AEBP2: variants seen among roughly 807,000 people sequenced by gnomAD.
AEBP2 encodes the protein AE binding protein 2.
A neutral mutation model predicts 50.8 loss-of-function variants in AEBP2; 10 were observed. The ratio of observed to expected loss-of-function variants is 0.20; its 90% CI spans 0.12 to 0.33. The LOEUF is 0.33. Ranked by LOEUF, AEBP2 falls within the 10% of genes least tolerant of loss-of-function variation. The pLI is 1.00. For synonymous variants in AEBP2, 296 were observed against 261.3 expected (o/e 1.13, Z -1.28); for missense variants, 570 against 688.0 (o/e 0.83, Z 1.92).
chr12:19,440,705 A>G (rs1346879586), intron 1 of AEBP2: 1 of 1,533,450 alleles, frequency 6.5e-7, no homozygotes, highest in South Asian at 1.2e-5. Context: ...GAGGGCCTTG[A>G]TGTACACACG....
At chr12:19,516,017 C>T (rs1949312207) in intron 7 of AEBP2, among the ~76,000 whole-genome samples, 1 of 152,184 alleles carries the variant, frequency 6.6e-6, no homozygotes, top group East Asian at 1.9e-4. Flanking sequence ...CCTGGAAGTT[C>T]GAGGCTGCAG....
intron 1 of AEBP2, among the ~76,000 whole-genome samples, chr12:19,443,410 T>G (rs940278920): frequency 1.3e-5 from 2 of 151,558 alleles, no homozygotes; most frequent in African/African-American, 4.8e-5. Flanking sequence ...TTAAATATCT[T>G]AAGTGCTACT....
chr12:19,443,700 G>A (rs1565705107), intron 1 of AEBP2, among the ~76,000 whole-genome samples: 1 of 152,076 alleles, frequency 6.6e-6, no homozygotes, highest in Non-Finnish European at 1.5e-5. Flanking sequence ...TCCAGCGTGG[G>A]CGACAGAGCA....
At chr12:19,418,158 A>G (rs1252466942) in intron 1 of AEBP2, among the ~76,000 whole-genome samples, 1 of 152,130 alleles carries the variant, frequency 6.6e-6, no homozygotes, top group East Asian at 1.9e-4. Flanking sequence ...CATCTACATA[A>G]TAAGAGCCTT....
At chr12:19,501,799 T>TTTTTG (rs1592774486) in intron 5 of AEBP2, among the ~76,000 whole-genome samples, 3 of 75,134 alleles carry the variant, frequency 4.0e-5, no homozygotes, top group East Asian at 4.8e-4. Context: ...ATGAGTTTGT[T>TTTTTG]TTTTTTTTTT....
chr12:19,508,010 C>T (rs553300169), intron 5 of AEBP2, among the ~76,000 whole-genome samples: 1 of 152,112 alleles, frequency 6.6e-6, no homozygotes, highest in Non-Finnish European at 1.5e-5. Context: ...TTCTTTCGAG[C>T]CTTCTCCAGA....
intron 3 of AEBP2, among the ~76,000 whole-genome samples, chr12:19,483,146 CCT>C (rs1324814390): frequency 6.6e-6 from 1 of 152,122 alleles, no homozygotes; most frequent in East Asian, 1.9e-4. Flanking sequence ...CTTCTTTTGC[CCT>C]GTTACCCTTC....
chr12:19,443,285 C>G (rs771933638), intron 1 of AEBP2, among the ~76,000 whole-genome samples: 2 of 151,484 alleles, frequency 1.3e-5, no homozygotes, highest in South Asian at 4.2e-4. Flanking sequence ...AGTAGAGATG[C>G]GATTTCACCA....
chr12:19,499,284 A>G (rs1307171071), intron 4 of AEBP2, among the ~76,000 whole-genome samples: 1 of 152,144 alleles, frequency 6.6e-6, no homozygotes, highest in Non-Finnish European at 1.5e-5. Flanking sequence ...TCATTGTTCA[A>G]ATAGTTGTTC....
chr12:19,430,602 C>T (rs1229192306), intron 1 of AEBP2, among the ~76,000 whole-genome samples: 3 of 152,090 alleles, frequency 2.0e-5, no homozygotes, highest in African/African-American at 7.2e-5. Context: ...ATTCTTCCTA[C>T]CCATGAGCAT....
chr12:19,476,218 C>T (rs1031148211), intron 3 of AEBP2, among the ~76,000 whole-genome samples: 1 of 152,182 alleles, frequency 6.6e-6, no homozygotes, highest in South Asian at 2.1e-4. Flanking sequence ...AGTCTTTGCT[C>T]CATCTTGAGT....
intron 3 of AEBP2, among the ~76,000 whole-genome samples, chr12:19,491,967 A>G (rs982601603): frequency 6.6e-6 from 1 of 152,104 alleles, no homozygotes; most frequent in Non-Finnish European, 1.5e-5. Context: ...TTTACAAATA[A>G]AGGGCTGTGT....
At position 19,500,090 on chromosome 12, in the gene AEBP2, C is replaced by T. The variant is rs753072201; in HGVS notation, c.1175-7C>T. 1 of 1,600,088 alleles carries T rather than the reference C, an allele frequency of 6.2e-7. No homozygotes were observed. The highest frequency in any genetic ancestry group is 8.5e-7 in the Non-Finnish European group (1 of 1,173,716). ...AAATATTCTTTACTTTTTATGTTGA[C>T]TTTTAGCACGGCCACATGATTTCTT... On this transcript the variant is annotated splice_polypyrimidine_tract_variant and splice_region_variant and intron_variant, in intron 4 of 7. Coordinates refer to ENST00000266508, the MANE Select transcript of AEBP2 (RefSeq NM_153207.5).
At chr12:19,427,400 C>T (rs768416396) in intron 1 of AEBP2, among the ~76,000 whole-genome samples, 4 of 128,666 alleles carry the variant, frequency 3.1e-5, no homozygotes, top group Non-Finnish European at 6.6e-5. Flanking sequence ...AAAAAAAAAA[C>T]GCAGAGGAAG....
At chr12:19,465,599 C>A (rs1407680758) in intron 2 of AEBP2, among the ~76,000 whole-genome samples, 1 of 151,866 alleles carries the variant, frequency 6.6e-6, no homozygotes, top group East Asian at 1.9e-4. Context: ...ACCATGTTGC[C>A]CAGGCTGGTC....
intron 5 of AEBP2, chr12:19,509,277 TAA>T (rs999552093): frequency 1.2e-5 from 3 of 258,762 alleles, no homozygotes; most frequent in Admixed American, 4.4e-5. Context: ...TTTTAAGTAA[TAA>T]AAATGAAAAG....
chr12:19,436,253 G>A (rs1947860383), upstream of AEBP2, among the ~76,000 whole-genome samples: 1 of 152,142 alleles, frequency 6.6e-6, no homozygotes, highest in African/African-American at 2.4e-5. Flanking sequence ...CCAATGTCGG[G>A]AAGTTACCCT....
Position 19,439,954 on chromosome 12 carries a change from G to T in AEBP2, c.255G>T (p.Pro85=), listed in dbSNP as rs1947916812. 2.0e-6 allele frequency: 3 copies of T among 1,518,706 alleles called. No homozygotes were observed. In the East Asian group the frequency reaches 7.9e-5, roughly 40 times the overall value. 94.1% of individuals were successfully genotyped at this position (1,518,706 alleles called of 1,614,324 possible). The change falls in exon 1 of 8, where the codon CCG becomes CCT. Residue 85 remains proline (P), a synonymous_variant. Coordinates refer to ENST00000266508, the MANE Select transcript of AEBP2 (RefSeq NM_153207.5). The part of the protein sequence containing the change: ...GGGEAETMSE[P]SPESASQAGE... Reference sequence around the variant, plus strand: ...GCGAGGCAGAGACGATGTCGGAGCCGAGCCCCGAGAGCGCCAGCCAGGCCG... The same window carrying T: ...GCGAGGCAGAGACGATGTCGGAGCCTAGCCCCGAGAGCGCCAGCCAGGCCG...
At chr12:19,478,724 T>TC (rs1288919713) in intron 3 of AEBP2, among the ~76,000 whole-genome samples, 9 of 152,240 alleles carry the variant, frequency 5.9e-5, no homozygotes, top group Non-Finnish European at 1.3e-4. Context: ...CATTGTTGAC[T>TC]CAAGGATCAT....
Sources: gnomAD v4.1 joint callset for allele counts (sites outside exome capture counted in the v4.1 genomes callset) on GRCh38, gnomAD v4.1.1 for gene constraint, MANE v1.5 for transcripts, NCBI Gene and HGNC (gene_info 2026-07-23, HGNC 2026-07-21) for gene names.